The following EYS variants were observed in gnomAD, a reference collection of about 807,000 sequenced individuals.
EYS encodes the protein EGF-like photoreceptor maintenance factor, also known as protein eyes shut homolog.
EYS carries 250 observed loss-of-function variants against 282.1 expected under a neutral mutation model. The observed-to-expected ratio is 0.89, with a 90% CI of 0.80 to 0.98. The LOEUF is 0.98. Ranked by LOEUF, EYS falls within the 50% of genes least tolerant of loss-of-function variation. The probability of loss-of-function intolerance (pLI) is 0.00; values close to 1 mark genes in which losing one functional copy is unlikely to be tolerated. For missense variants in EYS, 4,016 were observed against 3,709.0 expected (o/e 1.08, Z -2.15); for synonymous variants, 1,355 against 1,282.9 (o/e 1.06, Z -1.20).
chr6:65,592,923 T>C (rs1273597193), intron 2 of EYS, among the ~76,000 whole-genome samples: 3 of 152,002 alleles, frequency 2.0e-5, no homozygotes, highest in African/African-American at 4.8e-5. Context: ...CTCTACCACA[T>C]AGCACAACAT....
intron 27 of EYS, 27 bp from the exon 28 acceptor site, chr6:64,436,292 A>G (rs1375053060): frequency 7.5e-7 from 1 of 1,333,626 alleles, no homozygotes; most frequent in South Asian, 1.3e-5. Context: ...TTTTGTCCTC[A>G]AACAGTTTTT....
At chr6:64,388,562 T>C in intron 29 of EYS, 128 bp downstream of exon 29, 1 of 803,398 alleles carries the variant, frequency 1.2e-6, no homozygotes, top group Non-Finnish European at 1.8e-6. Flanking sequence ...CAAAAACTTT[T>C]TTGAAACCAT....
intron 1 of EYS, among the ~76,000 whole-genome samples, chr6:65,697,336 A>G (rs1456024088): frequency 2.6e-5 from 4 of 152,120 alleles, no homozygotes. Context: ...CATCAAAGTC[A>G]CTTTTACATT....
At chr6:65,452,370 G>T (rs1404982873) in intron 5 of EYS, among the ~76,000 whole-genome samples, 2 of 151,388 alleles carry the variant, frequency 1.3e-5, no homozygotes, top group African/African-American at 2.4e-5. Flanking sequence ...AATTAAATAA[G>T]ATGTTCTAAT....
intron 41 of EYS, among the ~76,000 whole-genome samples, chr6:63,739,260 A>G (rs192796049): frequency 1.3e-5 from 2 of 152,188 alleles, no homozygotes; most frequent in Admixed American, 1.3e-4. Flanking sequence ...AACTTAGTGT[A>G]TGGGAGGTTT....
At chr6:64,184,120 C>T (rs761346152) in intron 31 of EYS, among the ~76,000 whole-genome samples, 12 of 152,114 alleles carry the variant, frequency 7.9e-5, no homozygotes, top group Admixed American at 2.0e-4. Context: ...CATCACCCAG[C>T]TTTATTGTCT....
intron 35 of EYS, among the ~76,000 whole-genome samples, chr6:63,876,759 A>T (rs911827889): frequency 1.3e-5 from 2 of 152,038 alleles, no homozygotes; most frequent in African/African-American, 2.4e-5. Flanking sequence ...GTTGATTTAA[A>T]GTCTTGTTTA....
chr6:64,336,767 T>C (rs1268182849), intron 29 of EYS, among the ~76,000 whole-genome samples: 2 of 152,024 alleles, frequency 1.3e-5, no homozygotes, highest in African/African-American at 2.4e-5. Flanking sequence ...TGAAATTATA[T>C]GAAGCACTCT....
At chr6:64,187,127 C>A (rs1409588618) in intron 31 of EYS, among the ~76,000 whole-genome samples, 2 of 152,038 alleles carry the variant, frequency 1.3e-5, no homozygotes, top group African/African-American at 2.4e-5. Flanking sequence ...TTTGCCACGC[C>A]TTGTTAGCTT....
At chr6:64,598,427 C>T (rs1410755706) in intron 24 of EYS, among the ~76,000 whole-genome samples, 1 of 152,218 alleles carries the variant, frequency 6.6e-6, no homozygotes, top group African/African-American at 2.4e-5. Context: ...CGCCACTGCA[C>T]TCCAGGCTGG....
chr6:64,012,799 A>G (rs1257252840), intron 33 of EYS, among the ~76,000 whole-genome samples: 1 of 152,234 alleles, frequency 6.6e-6, no homozygotes, highest in African/African-American at 2.4e-5. Flanking sequence ...AGGATCACGC[A>G]TAAAAGCCAC....
At chr6:63,796,846 AG>A (rs931014687) in intron 37 of EYS, among the ~76,000 whole-genome samples, 2 of 152,224 alleles carry the variant, frequency 1.3e-5, no homozygotes, top group African/African-American at 4.8e-5. Flanking sequence ...AAATGGATTA[AG>A]AAATTCTAAG....
intron 5 of EYS, 198 bp downstream of exon 5, chr6:65,490,396 T>C: frequency 2.1e-6 from 1 of 482,928 alleles, no homozygotes; most frequent in Admixed American, 3.5e-5. Context: ...TCTTATGCTA[T>C]AAAACATTTA....
At chr6:64,501,027 A>G (rs1777021949) in intron 26 of EYS, among the ~76,000 whole-genome samples, 1 of 120,390 alleles carries the variant, frequency 8.3e-6, no homozygotes, top group Non-Finnish European at 1.7e-5. Context: ...ATTTTGGGAG[A>G]GTTTTTTTTT....
intron 31 of EYS, among the ~76,000 whole-genome samples, chr6:64,228,751 C>G (rs1283481964): frequency 6.6e-6 from 1 of 152,016 alleles, no homozygotes; most frequent in Admixed American, 6.6e-5. Flanking sequence ...ATTCTGCCAC[C>G]AAAACATCAA....
At chr6:64,082,053 C>T (rs1336421428) in intron 31 of EYS, 51 bp from the exon 32 acceptor site, 1 of 1,231,056 alleles carries the variant, frequency 8.1e-7, no homozygotes, top group East Asian at 2.6e-5. Flanking sequence ...TATTGCTACT[C>T]AAGTAGATAA....
At chr6:64,933,676 A>G (rs1246374427) in intron 15 of EYS, among the ~76,000 whole-genome samples, 1 of 152,148 alleles carries the variant, frequency 6.6e-6, no homozygotes, top group Non-Finnish European at 1.5e-5. Context: ...ATAAAAACAC[A>G]TCCACACGTA....
intron 36 of EYS, chr6:63,821,218 A>C (rs1308006909): frequency 1.3e-5 from 2 of 151,758 alleles, no homozygotes; most frequent in Non-Finnish European, 2.9e-5. Context: ...GTGACTGGAA[A>C]ATTTCTTATT....
At chr6:63,741,978 A>G in intron 41 of EYS, 1 of 702,322 alleles carries the variant, frequency 1.4e-6, no homozygotes, top group Non-Finnish European at 2.6e-6. Context: ...GATAAGTGCT[A>G]AGAAGACAAG....
Sources: gnomAD v4.1 joint callset for allele counts (sites outside exome capture counted in the v4.1 genomes callset) on GRCh38, gnomAD v4.1.1 for gene constraint, MANE v1.5 for transcripts, NCBI Gene and HGNC (gene_info 2026-07-23, HGNC 2026-07-21) for gene names.